Variants in TTC21B observed in about 807,000 individuals in gnomAD.
The protein encoded by TTC21B is tetratricopeptide repeat protein 21B.
A neutral mutation model predicts 175.1 loss-of-function variants in TTC21B; 127 were observed. The observed-to-expected ratio is 0.73, with a 90% CI of 0.63 to 0.84. The LOEUF is 0.84. TTC21B is among the 40% of genes least tolerant of loss of function. The pLI, the probability that TTC21B is intolerant of heterozygous loss-of-function variation, is 0.00. For synonymous variants in TTC21B, 524 were observed against 524.5 expected, an observed-to-expected ratio of 1.00 and a Z score of 0.01; for missense variants, 1,561 against 1,558.3, an observed-to-expected ratio of 1.00 and a Z score of -0.03.
chr2:165,910,396 C>T (rs1685889905), intron 18 of TTC21B, among the ~76,000 whole-genome samples: 1 of 150,926 alleles, frequency 6.6e-6, no homozygotes, highest in South Asian at 2.1e-4. Flanking sequence ...GAGTGAGACT[C>T]TGTCTCAAAA....
chr2:165,888,798 G>C (rs1685092294), intron 24 of TTC21B, among the ~76,000 whole-genome samples: 1 of 152,030 alleles, frequency 6.6e-6, no homozygotes, highest in Non-Finnish European at 1.5e-5. Context: ...ACTATAAGTA[G>C]AATCAGAAAA....
chr2:165,939,249 T>C (rs1357908631), intron 6 of TTC21B, among the ~76,000 whole-genome samples: 1 of 152,218 alleles, frequency 6.6e-6, no homozygotes, highest in Admixed American at 6.5e-5. Context: ...TACCAAGATG[T>C]TCGGCCCTGA....
intron 16 of TTC21B, among the ~76,000 whole-genome samples, 189 bp from the exon 17 acceptor site, chr2:165,912,813 T>C (rs1273866553): frequency 6.6e-6 from 1 of 152,204 alleles, no homozygotes; most frequent in Non-Finnish European, 1.5e-5. Flanking sequence ...ATAGGTATAA[T>C]TTATTAGGAT....
Position 165,899,782 on chromosome 2 carries a change from T to A in TTC21B, c.2856A>T (p.Glu952Asp). 1 of 1,611,442 alleles carries A rather than the reference T, an allele frequency of 6.2e-7. No homozygotes were observed. Among genetic ancestry groups the A allele is most frequent in the Admixed American group, 1.7e-5 (1 of 60,010 alleles). Reference sequence around the variant, plus strand: ...TCCTTGGACTGACCATGGTAGCAGCTTCGTTATCCTGGTCACTCTGAAGCA... The same window carrying A: ...TCCTTGGACTGACCATGGTAGCAGCATCGTTATCCTGGTCACTCTGAAGCA... ...ALLLQSDQDN[E>D]AATMMMADLM... Residue 952 changes from glutamate (E) to aspartate (D), a missense_variant, in exon 21 of 29, where the codon GAA (glutamate) becomes GAT (aspartate). Transcript: ENST00000243344.
In TTC21B at chr2:165,890,460, AAT is replaced by A; in HGVS notation, c.3263+17_3263+18del. The A allele has an allele frequency of 6.2e-7, 1 of 1,612,018 alleles. No homozygotes were observed. The highest frequency in any genetic ancestry group is 1.7e-4 in the Middle Eastern group (1 of 6,058). ...CAACAAGTGTTTTTTAAAAAAGGAT[AAT>A]ATGTCAAATAACTCACCCCAGGTCT... On this transcript the variant is annotated intron_variant, in intron 24 of 28. Coordinates refer to ENST00000243344, the MANE Select transcript of TTC21B (RefSeq NM_024753.5).
intron 3 of TTC21B, 177 bp downstream of exon 3, chr2:165,949,217 A>C: frequency 1.6e-6 from 1 of 625,780 alleles, no homozygotes; most frequent in Non-Finnish European, 2.9e-6. Flanking sequence ...AGTATAAGAC[A>C]CATTTCTTGT....
At chr2:165,927,262 C>A (rs1204341862) in intron 11 of TTC21B, among the ~76,000 whole-genome samples, 1 of 47,132 alleles carries the variant, frequency 2.1e-5, no homozygotes. Flanking sequence ...ATATATATAT[C>A]CTAGTAGTTA....
Position 165,917,257 on chromosome 2 carries a change from C to T in TTC21B, c.1899G>A (p.Gln633=), listed in dbSNP as rs868259857. ...LIDVHRLNGE[Q]HEATKVLQDA... Reference sequence around the variant, plus strand: ...GCCCTTAAATTAAAACTTGACCTACCTGCTCTCCATTTAAGCGGTGAACGT... The same window carrying T: ...GCCCTTAAATTAAAACTTGACCTACTTGCTCTCCATTTAAGCGGTGAACGT... The change falls in exon 14 of 29, where the codon CAG becomes CAA. Residue 633 remains glutamine (Q), a splice_region_variant and synonymous_variant. Transcript: ENST00000243344. The T allele has an allele frequency of 3.1e-6, 5 of 1,613,644 alleles. No homozygotes were observed. In the African/African-American group the frequency reaches 4.0e-5, roughly 13 times the overall value.
At chr2:165,932,788 A>G (rs925009515) in intron 7 of TTC21B, among the ~76,000 whole-genome samples, 185 bp downstream of exon 7, 1 of 152,112 alleles carries the variant, frequency 6.6e-6, no homozygotes, top group African/African-American at 2.4e-5. Context: ...TGCTTTACCA[A>G]TAGATTTCAG....
intron 25 of TTC21B, 124 bp from the exon 26 acceptor site, chr2:165,884,142 T>C (rs1178521027): frequency 2.5e-6 from 2 of 791,730 alleles, no homozygotes; most frequent in East Asian, 2.7e-5. Context: ...CCATTACAGA[T>C]AACTGTGATT....
intron 20 of TTC21B, 124 bp from the exon 21 acceptor site, chr2:165,900,004 T>TAA: frequency 1.5e-4 from 15 of 98,980 alleles, no homozygotes; most frequent in South Asian, 4.1e-4. Flanking sequence ...CCAAGTATAA[T>TAA]AGACAAAAAA....
At chr2:165,901,035 G>T (rs571884983) in intron 20 of TTC21B, among the ~76,000 whole-genome samples, 1 of 151,608 alleles carries the variant, frequency 6.6e-6, no homozygotes, top group South Asian at 2.1e-4. Context: ...CCAAGGAGCT[G>T]GGACTACAGG....
rs529146009 is a variant in TTC21B at position 165,936,718 on chromosome 2, G to A, written c.711-3661C>T. ...CTCCACATCATGTCATCAGGGAAAC[G>A]CAAATTAAAATTAAAATAACAATGA... On this transcript the variant is annotated intron_variant, in intron 6 of 28. Coordinates refer to ENST00000243344, the MANE Select transcript of TTC21B (RefSeq NM_024753.5). Among the ~76,000 whole-genome samples the A allele has an allele frequency of 9.2e-5, 14 of 152,028 alleles. No individual in the cohort carries two copies. In the East Asian group the frequency reaches 2.3e-3, roughly 25 times the overall value.
intron 20 of TTC21B, 138 bp downstream of exon 20, chr2:165,901,584 A>G: frequency 1.2e-6 from 1 of 814,176 alleles, no homozygotes; most frequent in East Asian, 2.7e-5. Context: ...TGGCCTCCCA[A>G]AGGGCTGGGA....
At chr2:165,914,680 T>TGTGTGCGCGCGTGTGTGCGCGCGC (rs1553511342) in intron 15 of TTC21B, among the ~76,000 whole-genome samples, 26 of 144,228 alleles carry the variant, frequency 1.8e-4, no homozygotes, top group African/African-American at 6.8e-4. Flanking sequence ...TGTGTGTGTG[T>TGTGTGCGCGCGTGTGTGCGCGCGC]GTGTGTGTGT....
chr2:165,902,618 T>C (rs145547708), intron 19 of TTC21B, among the ~76,000 whole-genome samples: 369 of 152,326 alleles, frequency 2.4e-3, no homozygotes, highest in African/African-American at 8.6e-3. Context: ...ACATTAATAC[T>C]GTCTCATGAA....
chr2:165,906,905 A>G (rs1685754147), intron 19 of TTC21B, among the ~76,000 whole-genome samples: 1 of 147,316 alleles, frequency 6.8e-6, no homozygotes, highest in African/African-American at 2.5e-5. Flanking sequence ...CAGTGAGCTG[A>G]GATCATGCCA....
At chr2:165,932,110 G>A (rs553542946) in intron 7 of TTC21B, among the ~76,000 whole-genome samples, 4 of 152,124 alleles carry the variant, frequency 2.6e-5, no homozygotes, top group East Asian at 3.9e-4. Context: ...TTGGATAGGC[G>A]AAGACACCCA....
chr2:165,932,171 A>G (rs1250308593), intron 7 of TTC21B, among the ~76,000 whole-genome samples: 3 of 152,154 alleles, frequency 2.0e-5, no homozygotes, highest in Non-Finnish European at 2.9e-5. Flanking sequence ...TAGTTAATTC[A>G]TGACACAAAT....
Sources: gnomAD v4.1 joint callset for allele counts (sites outside exome capture counted in the v4.1 genomes callset) on GRCh38, gnomAD v4.1.1 for gene constraint, MANE v1.5 for transcripts, NCBI Gene and HGNC (gene_info 2026-07-23, HGNC 2026-07-21) for gene names.